The following DNAH6 variants were observed in gnomAD, a reference collection of about 807,000 sequenced individuals.
DNAH6 encodes the protein dynein axonemal heavy chain 6, also known as axonemal beta dynein heavy chain 6.
Under a neutral mutation model 491.4 loss-of-function variants are expected in DNAH6, and 340 were observed. The ratio of observed to expected loss-of-function variants is 0.69; its 90% CI spans 0.63 to 0.76. The LOEUF (loss-of-function observed/expected upper bound fraction) is 0.76, where lower values mean the gene tolerates loss of function less well. Among genes scored for constraint, DNAH6 ranks in the 30% least tolerant of loss-of-function variants. The pLI is 0.00. For missense variants in DNAH6, 4,443 were observed against 4,972.2 expected, an observed-to-expected ratio of 0.89 and a Z score of 3.20; for synonymous variants, 1,603 against 1,686.1, an observed-to-expected ratio of 0.95 and a Z score of 1.21.
At chr2:84,533,385 C>A (rs1262619547) in intron 4 of DNAH6, among the ~76,000 whole-genome samples, 2 of 151,992 alleles carry the variant, frequency 1.3e-5, no homozygotes, top group East Asian at 1.9e-4. Flanking sequence ...TAATAAAGAC[C>A]ATTTCTATGA....
At chr2:84,671,762 T>C (rs1692761052) in intron 39 of DNAH6, among the ~76,000 whole-genome samples, 1 of 152,172 alleles carries the variant, frequency 6.6e-6, no homozygotes, top group African/African-American at 2.4e-5. Context: ...TATTTGCCCA[T>C]CGGGTTTCTC....
At chr2:84,752,589 G>A (rs898514649) in intron 63 of DNAH6, among the ~76,000 whole-genome samples, 10 of 151,778 alleles carry the variant, frequency 6.6e-5, no homozygotes, top group Middle Eastern at 3.4e-3. Flanking sequence ...CCGAAAAAAC[G>A]CCATACCCAT....
chr2:84,598,679 C>T (rs181806172), intron 18 of DNAH6, among the ~76,000 whole-genome samples: 31 of 152,256 alleles, frequency 2.0e-4, no homozygotes, highest in Non-Finnish European at 3.7e-4. Context: ...TTTTGAGGGA[C>T]CTTTTTGTTT....
At chr2:84,691,847 A>G (rs538044860) in intron 45 of DNAH6, among the ~76,000 whole-genome samples, 1 of 152,332 alleles carries the variant, frequency 6.6e-6, no homozygotes, top group East Asian at 1.9e-4. Context: ...AAAAAACCAC[A>G]TTGTTAAGGG....
At chr2:84,525,777 A>ATTTTGT (rs1485579839) in intron 3 of DNAH6, 39 bp downstream of exon 3, 1 of 1,461,678 alleles carries the variant, frequency 6.8e-7, no homozygotes, top group Non-Finnish European at 9.2e-7. Context: ...TTTTAACTTA[A>ATTTTGT]TTTTGTTTTG....
chr2:84,547,280 G>A lies in DNAH6; in HGVS notation c.943G>A (p.Ala315Thr), dbSNP rs942414865. ...LFIVNPHLRP[A>T]LLKINELCYH... ...TATTTTCATTCAGCATTTGCGACCA[G>A]CTCTTCTTAAAATAAATGAATTGTG... Residue 315 changes from alanine (A) to threonine (T), a missense_variant, in exon 6 of 77, where the codon GCT becomes ACT. Coordinates refer to ENST00000389394, the MANE Select transcript of DNAH6 (RefSeq NM_001370.2). The A allele has an allele frequency of 5.8e-6, 9 of 1,540,984 alleles. No individual in the cohort carries two copies. Among genetic ancestry groups the A allele is most frequent in the African/African-American group, 4.1e-5 (3 of 72,458 alleles).
chr2:84,634,963 G>T (rs903922404), intron 30 of DNAH6, among the ~76,000 whole-genome samples: 2 of 152,200 alleles, frequency 1.3e-5, no homozygotes, highest in Admixed American at 6.5e-5. Flanking sequence ...GACCTTTGGA[G>T]ATCTGGTCAC....
intron 63 of DNAH6, chr2:84,751,057 A>G (rs933141822): frequency 6.6e-6 from 1 of 152,250 alleles, no homozygotes; most frequent in Non-Finnish European, 1.5e-5. Flanking sequence ...CAAGTATGAC[A>G]GTGTTGTCCC....
intron 46 of DNAH6, among the ~76,000 whole-genome samples, chr2:84,695,772 C>T (rs1695325056): frequency 6.6e-6 from 1 of 151,924 alleles, no homozygotes; most frequent in Non-Finnish European, 1.5e-5. Context: ...TTCTGATTAT[C>T]CTAAAATTAA....
At position 84,543,448 on chromosome 2, in the gene DNAH6, A is replaced by G. The variant is rs568739513; in HGVS notation, c.663-785A>G. Among the ~76,000 whole-genome samples, 7 of 152,340 alleles carry G rather than the reference A, an allele frequency of 4.6e-5. No individual in the cohort carries two copies. The East Asian group carries it at 7.7e-4, about 17-fold the overall frequency. On this transcript the variant is annotated intron_variant, in intron 4 of 76. Transcript: ENST00000389394. ...TTCCTAAATTCCTAAATATATTTCAATAAGGTGCTATATCATATTTCACAC... is the reference window on the plus strand; with the variant it reads ...TTCCTAAATTCCTAAATATATTTCAGTAAGGTGCTATATCATATTTCACAC...
intron 45 of DNAH6, among the ~76,000 whole-genome samples, chr2:84,689,355 C>T (rs991763384): frequency 2.0e-5 from 3 of 151,512 alleles, no homozygotes; most frequent in African/African-American, 7.4e-5. Flanking sequence ...ATAAGCCACT[C>T]CTACCCTTAG....
At chr2:84,698,125 C>T (rs1695560499) in intron 47 of DNAH6, among the ~76,000 whole-genome samples, 1 of 152,200 alleles carries the variant, frequency 6.6e-6, no homozygotes, top group Non-Finnish European at 1.5e-5. Flanking sequence ...AATGTGTTTT[C>T]TCTCACTCTC....
intron 45 of DNAH6, among the ~76,000 whole-genome samples, chr2:84,691,610 A>G (rs560481112): frequency 2.1e-4 from 30 of 145,678 alleles, no homozygotes; most frequent in Admixed American, 1.9e-3. Context: ...AAACTATTTC[A>G]GTATCTGCAG....
Position 84,669,513 on chromosome 2 carries a change from A to G in DNAH6, c.6306+3A>G. On this transcript the variant is annotated splice_donor_region_variant and intron_variant, in intron 38 of 76. Coordinates refer to ENST00000389394, the MANE Select transcript of DNAH6 (RefSeq NM_001370.2). ...CTGGAATAACTGGAGTGGGCAAGGTAGGAAACTTACATCAAACAAGAAGTC... is the reference window on the plus strand; with the variant it reads ...CTGGAATAACTGGAGTGGGCAAGGTGGGAAACTTACATCAAACAAGAAGTC... 5 of 1,551,306 alleles carry G rather than the reference A, an allele frequency of 3.2e-6. No individual in the cohort carries two copies. The highest frequency in any genetic ancestry group is 4.4e-6 in the Non-Finnish European group (5 of 1,146,648).
At chr2:84,677,604 G>A (rs112898140) in intron 41 of DNAH6, among the ~76,000 whole-genome samples, 94 of 152,282 alleles carry the variant, frequency 6.2e-4, no homozygotes, top group African/African-American at 2.1e-3. Context: ...CGCTAAGAAT[G>A]ATAACCTATC....
chr2:84,509,490 C>T, the DNAH6 span, among the ~76,000 whole-genome samples: 1 of 152,190 alleles, frequency 6.6e-6, no homozygotes, highest in East Asian at 1.9e-4. Flanking sequence ...GATGGGTCTC[C>T]TGAATACAGC....
chr2:84,490,032 CA>C, the DNAH6 span, among the ~76,000 whole-genome samples: 5 of 152,246 alleles, frequency 3.3e-5, no homozygotes, highest in East Asian at 9.7e-4. Flanking sequence ...CAGTGAAGAC[CA>C]ATACCCCCAC....
At chr2:84,757,212 G>C (rs1186340282) in intron 63 of DNAH6, among the ~76,000 whole-genome samples, 1 of 152,328 alleles carries the variant, frequency 6.6e-6, no homozygotes, top group South Asian at 2.1e-4. Context: ...ATCAGTTCCA[G>C]CCATGTGATA....
At chr2:84,709,648 A>T in intron 55 of DNAH6, 102 bp downstream of exon 55, 1 of 1,264,314 alleles carries the variant, frequency 7.9e-7, no homozygotes, top group Non-Finnish European at 1.1e-6. Flanking sequence ...GGAGATTTAG[A>T]TTTAACATAC....
Sources: allele counts gnomAD v4.1 joint callset (sites outside exome capture counted in the v4.1 genomes callset), GRCh38; gene constraint gnomAD v4.1.1; transcripts MANE v1.5; gene names NCBI Gene and HGNC (gene_info 2026-07-23, HGNC 2026-07-21).